The following COL8A1 variants were observed in gnomAD, a reference collection of about 807,000 sequenced individuals.
COL8A1 encodes collagen type VIII alpha 1 chain, also known as collagen alpha-1(VIII) chain.
A neutral mutation model predicts 42.7 loss-of-function variants in COL8A1; 21 were observed. The observed-to-expected ratio is 0.49, with a 90% CI of 0.35 to 0.71. The LOEUF is 0.71. COL8A1 is among the 30% of genes least tolerant of loss of function. The pLI is 0.01. For synonymous variants in COL8A1, 367 were observed against 369.1 expected, an observed-to-expected ratio of 0.99 and a Z score of 0.06; for missense variants, 788 against 962.4, an observed-to-expected ratio of 0.82 and a Z score of 2.40.
chr3:99,744,866 G>C (rs912525735), intron 1 of COL8A1, 31 bp from the exon 2 acceptor site: 17 of 152,120 alleles, frequency 1.1e-4, no homozygotes, highest in African/African-American at 4.1e-4. Context: ...TAATTGCCTT[G>C]AGTAAAAGTA....
chr3:99,776,861 G>C (rs539308322), intron 2 of COL8A1, among the ~76,000 whole-genome samples: 4 of 152,168 alleles, frequency 2.6e-5, no homozygotes, highest in South Asian at 4.1e-4. Context: ...TTTTTAGACC[G>C]TATAGTGTAA....
intron 2 of COL8A1, among the ~76,000 whole-genome samples, chr3:99,771,297 T>C (rs575225748): frequency 1.5e-4 from 23 of 152,314 alleles, no homozygotes; most frequent in African/African-American, 5.3e-4. Context: ...AGAATATTCA[T>C]ATAATCCCAC....
At chr3:99,659,837 C>A (rs912855086) in intron 1 of COL8A1, among the ~76,000 whole-genome samples, 3 of 152,098 alleles carry the variant, frequency 2.0e-5, no homozygotes, top group African/African-American at 7.2e-5. Context: ...ACCTTCCTCC[C>A]GAGACTCTGT....
At chr3:99,696,512 G>A (rs1289789348) in intron 1 of COL8A1, among the ~76,000 whole-genome samples, 1 of 152,108 alleles carries the variant, frequency 6.6e-6, no homozygotes, top group East Asian at 1.9e-4. Context: ...TTGAAACAGG[G>A]CCAAGGAGGG....
chr3:99,787,336 C>T (rs1006544815), intron 2 of COL8A1, among the ~76,000 whole-genome samples: 1 of 152,170 alleles, frequency 6.6e-6, no homozygotes, highest in Admixed American at 6.5e-5. Context: ...TTATTCTTGA[C>T]ACATGAATGA....
intron 1 of COL8A1, among the ~76,000 whole-genome samples, chr3:99,669,720 T>C (rs1275418381): frequency 1.3e-5 from 2 of 151,984 alleles, no homozygotes; most frequent in Non-Finnish European, 2.9e-5. Context: ...TTAAGAAAGA[T>C]AGGAGAGACA....
intron 1 of COL8A1, among the ~76,000 whole-genome samples, chr3:99,721,369 C>CAAAAA (rs34692096): frequency 1.7e-5 from 2 of 118,528 alleles, no homozygotes; most frequent in Non-Finnish European, 3.4e-5. Context: ...ACAATTTAGA[C>CAAAAA]AAAAAAAAAA....
intron 2 of COL8A1, among the ~76,000 whole-genome samples, chr3:99,769,424 C>A (rs182720898): frequency 6.6e-6 from 1 of 152,308 alleles, no homozygotes; most frequent in Non-Finnish European, 1.5e-5. Context: ...TGGTAGCCTG[C>A]CAACTATTCA....
chr3:99,670,017 A>G (rs1201018328), intron 1 of COL8A1, among the ~76,000 whole-genome samples: 2 of 152,076 alleles, frequency 1.3e-5, no homozygotes, highest in Non-Finnish European at 2.9e-5. Flanking sequence ...CAGGCAATAC[A>G]TCACCTCCAG....
At chr3:99,644,119 C>A (rs1937591338) in intron 1 of COL8A1, among the ~76,000 whole-genome samples, 1 of 152,144 alleles carries the variant, frequency 6.6e-6, no homozygotes, top group Admixed American at 6.5e-5. Context: ...TGAAATGCTA[C>A]AAGAGATTTT....
At chr3:99,746,541 TA>T (rs1941030602) in intron 2 of COL8A1, among the ~76,000 whole-genome samples, 1 of 152,128 alleles carries the variant, frequency 6.6e-6, no homozygotes, top group African/African-American at 2.4e-5. Context: ...AGTATAATAA[TA>T]ATGTTAAACT....
chr3:99,790,532 T>A (rs1941980634), intron 2 of COL8A1, 148 bp from the exon 3 acceptor site: 1 of 659,200 alleles, frequency 1.5e-6, no homozygotes, highest in African/African-American at 1.8e-5. Context: ...CTATAGAAAG[T>A]AGCATTTTCC....
intron 1 of COL8A1, among the ~76,000 whole-genome samples, chr3:99,715,154 A>G (rs533340992): frequency 6.6e-6 from 1 of 152,124 alleles, no homozygotes; most frequent in Non-Finnish European, 1.5e-5. Context: ...GATTTGAGGG[A>G]AGAGAGGTGA....
intron 1 of COL8A1, among the ~76,000 whole-genome samples, chr3:99,722,165 G>A (rs936069916): frequency 2.0e-5 from 3 of 152,014 alleles, no homozygotes; most frequent in Non-Finnish European, 2.9e-5. Flanking sequence ...GGAATTCTCC[G>A]TGTCATATTT....
chr3:99,770,569 A>G (rs2107437455), intron 2 of COL8A1, among the ~76,000 whole-genome samples: 1 of 152,330 alleles, frequency 6.6e-6, no homozygotes, highest in African/African-American at 2.4e-5. Flanking sequence ...GGGTTTCCTG[A>G]TAGCACAGGT....
chr3:99,790,299 C>A (rs2107455890), intron 2 of COL8A1, among the ~76,000 whole-genome samples: 1 of 152,300 alleles, frequency 6.6e-6, no homozygotes, highest in East Asian at 1.9e-4. Flanking sequence ...AAGGTACACC[C>A]ATGACAACTA....
intron 1 of COL8A1, among the ~76,000 whole-genome samples, chr3:99,648,522 T>C (rs1294337167): frequency 6.6e-6 from 1 of 151,888 alleles, no homozygotes; most frequent in Non-Finnish European, 1.5e-5. Flanking sequence ...AAGGACTGTG[T>C]AATTAGAAAA....
intron 2 of COL8A1, among the ~76,000 whole-genome samples, chr3:99,783,516 T>C (rs1301915532): frequency 2.0e-5 from 3 of 152,234 alleles, no homozygotes; most frequent in Admixed American, 1.3e-4. Context: ...ATGTGATTGA[T>C]TGACCAGAAT....
chr3:99,696,980 T>G (rs1403409662), intron 1 of COL8A1, among the ~76,000 whole-genome samples: 3 of 79,846 alleles, frequency 3.8e-5, no homozygotes, highest in African/African-American at 1.6e-4. Context: ...ACACAAATTT[T>G]TTTTTTTTTT....
Sources: gnomAD v4.1 joint callset for allele counts (sites outside exome capture counted in the v4.1 genomes callset) on GRCh38, gnomAD v4.1.1 for gene constraint, MANE v1.5 for transcripts, NCBI Gene and HGNC (gene_info 2026-07-23, HGNC 2026-07-21) for gene names.